The following WIF1 variants were observed in gnomAD, a reference collection of about 807,000 sequenced individuals.
WIF1 encodes the protein Wnt inhibitory factor 1.
Under a neutral mutation model 53.5 loss-of-function variants are expected in WIF1, and 35 were observed. That is an observed-to-expected ratio of 0.65 (90% CI 0.50 to 0.87). The LOEUF (loss-of-function observed/expected upper bound fraction) is 0.87. WIF1 is among the 40% of genes least tolerant of loss of function. WIF1 has a pLI of 0.00. For missense variants in WIF1, 467 were observed against 476.8 expected, an observed-to-expected ratio of 0.98 and a Z score of 0.19; for synonymous variants, 171 against 170.4, an observed-to-expected ratio of 1.00 and a Z score of -0.03.
intron 2 of WIF1, among the ~76,000 whole-genome samples, chr12:65,095,359 C>T (rs1883188235): frequency 6.6e-6 from 1 of 152,154 alleles, no homozygotes; most frequent in Non-Finnish European, 1.5e-5. Flanking sequence ...TGTGGCTCTA[C>T]TGCCACTACA....
At chr12:65,077,624 A>G (rs1185862641) in intron 3 of WIF1, 122 bp downstream of exon 3, 5 of 707,298 alleles carry the variant, frequency 7.1e-6, no homozygotes, top group Non-Finnish European at 1.2e-5. Context: ...CTGTCCTAAA[A>G]TCAACAGATG....
At chr12:65,054,638 T>C (rs564448037) in intron 9 of WIF1, among the ~76,000 whole-genome samples, 41 of 152,342 alleles carry the variant, frequency 2.7e-4, no homozygotes, top group Admixed American at 1.4e-3. Context: ...CTATTACCAG[T>C]ACAGTTTAAA....
chr12:65,119,846 C>G (rs1883574012), intron 2 of WIF1, among the ~76,000 whole-genome samples: 1 of 152,168 alleles, frequency 6.6e-6, no homozygotes, highest in Admixed American at 6.5e-5. Context: ...GTTTTCTTTT[C>G]CATATGAAAG....
chr12:65,051,024 G>A lies in WIF1; in HGVS notation c.*325C>T. 4.0e-6 allele frequency: 1 copy of A among 249,942 alleles called. No homozygotes were observed. Among genetic ancestry groups the A allele is most frequent in the Non-Finnish European group, 7.7e-6 (1 of 129,682 alleles). The allele number at this position is 249,942 out of a possible 1,614,324, so 15.5% of individuals were successfully genotyped here. On this transcript the variant is annotated 3_prime_UTR_variant, in exon 10 of 10. Transcript: ENST00000286574. ...TTTTGCCCAATTTAACCTTTCTGAT[G>A]TTCCCCTGCCCCCAGACACCATAAA...
chr12:65,111,707 A>G (rs1883433619), intron 2 of WIF1, among the ~76,000 whole-genome samples: 1 of 152,132 alleles, frequency 6.6e-6, no homozygotes, highest in African/African-American at 2.4e-5. Context: ...GTTAGCTTCT[A>G]ATTTTCTCAA....
At chr12:65,115,337 T>C (rs1167672301) in intron 2 of WIF1, among the ~76,000 whole-genome samples, 1 of 152,186 alleles carries the variant, frequency 6.6e-6, no homozygotes, top group Non-Finnish European at 1.5e-5. Context: ...TTATATAATC[T>C]ACATAAATAA....
rs180897109 is a variant in WIF1 at position 65,081,225 on chromosome 12, A to G, written c.289-3371T>C. Among the ~76,000 whole-genome samples the G allele has an allele frequency of 1.8e-3, 275 of 152,256 alleles. 4 individuals are homozygous for G. The highest frequency in any genetic ancestry group is 0.018 in the East Asian group (93 of 5,188). Reference sequence around the variant, plus strand: ...CATAGATAAAATATTCTTCTTGAACATCTATTTAACGTGGCTGTGTTTAAA... The same window carrying G: ...CATAGATAAAATATTCTTCTTGAACGTCTATTTAACGTGGCTGTGTTTAAA... On this transcript the variant is annotated intron_variant, in intron 2 of 9. Transcript: ENST00000286574.
At chr12:65,113,342 A>C (rs932527247) in intron 2 of WIF1, among the ~76,000 whole-genome samples, 1 of 152,212 alleles carries the variant, frequency 6.6e-6, no homozygotes, top group Non-Finnish European at 1.5e-5. Flanking sequence ...AAGTTAAATC[A>C]GTTTGATCCA....
chr12:65,055,967 T>G, intron 8 of WIF1, 64 bp downstream of exon 8: 3 of 1,451,496 alleles, frequency 2.1e-6, no homozygotes, highest in Non-Finnish European at 2.9e-6. Context: ...AAGTATGTAG[T>G]GAGAGACTCC....
chr12:65,090,227 A>C (rs1349906458), intron 2 of WIF1, among the ~76,000 whole-genome samples: 1 of 152,114 alleles, frequency 6.6e-6, no homozygotes, highest in Admixed American at 6.6e-5. Context: ...TCCAAATAAC[A>C]ATGGCCACGA....
At chr12:65,100,239 G>C (rs1283443166) in intron 2 of WIF1, among the ~76,000 whole-genome samples, 1 of 152,204 alleles carries the variant, frequency 6.6e-6, no homozygotes, top group East Asian at 1.9e-4. Flanking sequence ...GATGGGTCCC[G>C]TGTTCACAAT....
chr12:65,062,444 T>C, intron 7 of WIF1, 37 bp downstream of exon 7: 1 of 1,548,664 alleles, frequency 6.5e-7, no homozygotes, highest in Non-Finnish European at 8.8e-7. Flanking sequence ...TTCTAAGGTC[T>C]CCCCAAGTCA....
chr12:65,104,619 A>G (rs988457599), intron 2 of WIF1, among the ~76,000 whole-genome samples: 79 of 152,320 alleles, frequency 5.2e-4, no homozygotes, highest in African/African-American at 1.8e-3. Flanking sequence ...ATTAAATTAG[A>G]TAACGATGAA....
intron 2 of WIF1, among the ~76,000 whole-genome samples, chr12:65,100,110 A>G (rs1462060172): frequency 2.0e-5 from 3 of 152,238 alleles, no homozygotes; most frequent in Non-Finnish European, 4.4e-5. Context: ...ATTTAAAAGT[A>G]GTAGAAAATA....
At chr12:65,093,703 A>G (rs944784076) in intron 2 of WIF1, among the ~76,000 whole-genome samples, 1 of 152,104 alleles carries the variant, frequency 6.6e-6, no homozygotes, top group African/African-American at 2.4e-5. Flanking sequence ...AGTTGAATCA[A>G]CTGTCATCTT....
In WIF1 at chr12:65,068,866, C is replaced by CA; in HGVS notation, c.435dup (p.Gly146TrpfsTer6). ...ACATCCACTTCAAATGCTGCCACCC[C>CA]ATCCTGTTTTCCAAGACATGGGAAA... On this transcript the variant is annotated frameshift_variant, in exon 4 of 10. Coordinates refer to ENST00000286574, the MANE Select transcript of WIF1 (RefSeq NM_007191.5). LOFTEE classifies it high-confidence loss of function. 1.9e-6 allele frequency: 3 copies of CA among 1,613,564 alleles called. No homozygotes were observed. Among genetic ancestry groups the CA allele is most frequent in the Non-Finnish European group, 2.5e-6 (3 of 1,179,674 alleles).
At chr12:65,119,453 C>T (rs6581610) in intron 2 of WIF1, among the ~76,000 whole-genome samples, 32,441 of 152,022 alleles carry the variant, frequency 0.21, 5,819 homozygotes, top group African/African-American at 0.49. Flanking sequence ...GTCTATACCA[C>T]AACAGGTAAT....
At position 65,055,175 on chromosome 12, in the gene WIF1, G is replaced by T; in HGVS notation, c.961C>A (p.His321Asn). 6.2e-7 allele frequency: 1 copy of T among 1,614,076 alleles called. No homozygotes were observed. Among genetic ancestry groups the T allele is most frequent in the Non-Finnish European group, 8.5e-7 (1 of 1,180,012 alleles). ...EPGCGAHGTCHEPNKCQCQEG... is the reference protein window; with the variant it reads ...EPGCGAHGTCNEPNKCQCQEG... ...TGACATTGGCATTTGTTGGGTTCAT[G>T]GCAGGTTCCATGTGCACCACAGCCA... is the stretch of plus-strand genomic sequence containing the variant. The change falls in exon 9 of 10, where the codon CAT becomes AAT. Residue 321 changes from histidine (H) to asparagine (N), a missense_variant. Coordinates refer to ENST00000286574, the MANE Select transcript of WIF1 (RefSeq NM_007191.5).
intron 7 of WIF1, among the ~76,000 whole-genome samples, chr12:65,059,755 A>G (rs1470785002): frequency 6.6e-6 from 1 of 151,994 alleles, no homozygotes; most frequent in Non-Finnish European, 1.5e-5. Flanking sequence ...GGGTTCAAGC[A>G]ATTCTTTTGC....
Sources: gnomAD v4.1 joint callset for allele counts (sites outside exome capture counted in the v4.1 genomes callset) on GRCh38, gnomAD v4.1.1 for gene constraint, MANE v1.5 for transcripts, NCBI Gene and HGNC (gene_info 2026-07-23, HGNC 2026-07-21) for gene names.